Variants in KAZN observed in about 807,000 individuals in gnomAD.
KAZN encodes kazrin, periplakin interacting protein.
Under a neutral mutation model 87.4 loss-of-function variants are expected in KAZN, and 40 were observed. That is an observed-to-expected ratio of 0.46 (90% CI 0.36 to 0.60). The LOEUF (loss-of-function observed/expected upper bound fraction) is 0.60, where lower values mean the gene tolerates loss of function less well. Among genes scored for constraint, KAZN ranks in the 20% least tolerant of loss-of-function variants. The pLI is 0.00. For missense variants in KAZN, 898 were observed against 1,073.9 expected (o/e 0.84, Z 2.29); for synonymous variants, 466 against 458.3 (o/e 1.02, Z -0.22).
chr1:15,033,490 A>T (rs796551847), intron 2 of KAZN, among the ~76,000 whole-genome samples: 11 of 152,338 alleles, frequency 7.2e-5, no homozygotes, highest in African/African-American at 2.4e-4. Flanking sequence ...TGGAGGAGCT[A>T]TCAGACTTTT....
chr1:14,928,612 G>A (rs1265852828), intron 1 of KAZN, among the ~76,000 whole-genome samples: 1 of 152,162 alleles, frequency 6.6e-6, no homozygotes, highest in East Asian at 1.9e-4. Flanking sequence ...TTCAGTGGGA[G>A]GTCTGCTCTC....
At chr1:14,266,741 C>T (rs1651506083) in intron 2 of KAZN, among the ~76,000 whole-genome samples, 1 of 152,182 alleles carries the variant, frequency 6.6e-6, no homozygotes, top group African/African-American at 2.4e-5. Flanking sequence ...GGGACGTAGA[C>T]ATGCCAATTC....
intron 1 of KAZN, among the ~76,000 whole-genome samples, chr1:14,764,775 C>T (rs1448217664): frequency 6.6e-6 from 1 of 152,168 alleles, no homozygotes; most frequent in Admixed American, 6.5e-5. Context: ...GGTATAGAAA[C>T]AGGCAGAGGC....
At chr1:15,042,315 G>A (rs1673004848) in intron 3 of KAZN, among the ~76,000 whole-genome samples, 1 of 152,214 alleles carries the variant, frequency 6.6e-6, no homozygotes. Context: ...AGCTCCACGA[G>A]TGCAGGGATT....
intron 1 of KAZN, among the ~76,000 whole-genome samples, chr1:14,879,446 G>A (rs956185477): frequency 5.3e-5 from 8 of 152,132 alleles, no homozygotes; most frequent in Non-Finnish European, 8.8e-5. Context: ...TCAGTGCTAC[G>A]TACAGGAGTA....
At chr1:14,637,243 T>A (rs1034018214) in intron 1 of KAZN, among the ~76,000 whole-genome samples, 1 of 152,204 alleles carries the variant, frequency 6.6e-6, no homozygotes, top group African/African-American at 2.4e-5. Flanking sequence ...AGAGGCACAC[T>A]GTTGACATCA....
intron 2 of KAZN, among the ~76,000 whole-genome samples, chr1:14,359,175 A>G (rs1426676170): frequency 6.6e-6 from 1 of 152,196 alleles, no homozygotes; most frequent in African/African-American, 2.4e-5. Context: ...ACCAATATCT[A>G]ACGTCCTTCT....
intron 1 of KAZN, among the ~76,000 whole-genome samples, chr1:14,885,585 C>A (rs574041461): frequency 6.6e-6 from 1 of 152,040 alleles, no homozygotes; most frequent in African/African-American, 2.4e-5. Context: ...TAGGTTCAAG[C>A]GATCCTCCCA....
At chr1:14,785,576 CT>C (rs892338103) in intron 1 of KAZN, among the ~76,000 whole-genome samples, 1 of 152,104 alleles carries the variant, frequency 6.6e-6, no homozygotes, top group Admixed American at 6.5e-5. Flanking sequence ...TCACCAACAC[CT>C]TCTCATCTTT....
intron 1 of KAZN, among the ~76,000 whole-genome samples, chr1:14,600,216 C>T (rs186652050): frequency 6.6e-5 from 10 of 152,242 alleles, no homozygotes; most frequent in Admixed American, 2.0e-4. Context: ...AACAAATCTC[C>T]AGTCCATGAG....
chr1:13,935,355 G>T (rs1280690711), intron 1 of KAZN, among the ~76,000 whole-genome samples: 2 of 152,092 alleles, frequency 1.3e-5, no homozygotes, highest in East Asian at 3.8e-4. Flanking sequence ...CTCATTTTAT[G>T]ATGCAGAAAG....
intron 2 of KAZN, among the ~76,000 whole-genome samples, chr1:14,386,184 T>C (rs1358502341): frequency 2.7e-5 from 4 of 146,274 alleles, no homozygotes; most frequent in South Asian, 2.3e-4. Flanking sequence ...TCCTCCATCC[T>C]TTTATTTTGA....
chr1:14,647,522 G>T (rs1413714485), intron 1 of KAZN, among the ~76,000 whole-genome samples: 1 of 152,164 alleles, frequency 6.6e-6, no homozygotes, highest in Non-Finnish European at 1.5e-5. Flanking sequence ...AAGATCAGGG[G>T]TTACTTTAGG....
chr1:14,096,618 C>G (rs1475085246), intron 1 of KAZN, among the ~76,000 whole-genome samples: 1 of 152,204 alleles, frequency 6.6e-6, no homozygotes, highest in Non-Finnish European at 1.5e-5. Context: ...GTGCCAGGCA[C>G]TGTTGGAATT....
chr1:14,267,510 C>T (rs1651582956), intron 2 of KAZN, among the ~76,000 whole-genome samples: 1 of 152,080 alleles, frequency 6.6e-6, no homozygotes, highest in Admixed American at 6.6e-5. Flanking sequence ...GGAGGATGTT[C>T]CTTGGTTATA....
intron 2 of KAZN, among the ~76,000 whole-genome samples, chr1:14,494,466 A>G (rs1225281412): frequency 6.6e-6 from 1 of 152,110 alleles, no homozygotes; most frequent in Non-Finnish European, 1.5e-5. Flanking sequence ...TTCTTGTGTG[A>G]TGACAGTTGG....
intron 1 of KAZN, among the ~76,000 whole-genome samples, chr1:14,877,707 A>G (rs901217408): frequency 6.6e-6 from 1 of 152,182 alleles, no homozygotes; most frequent in African/African-American, 2.4e-5. Flanking sequence ...GTGTGTAATA[A>G]TAGTGCCTAC....
At chr1:14,451,400 G>A (rs1193524299) in intron 2 of KAZN, among the ~76,000 whole-genome samples, 1 of 152,078 alleles carries the variant, frequency 6.6e-6, no homozygotes, top group African/African-American at 2.4e-5. Flanking sequence ...CCCAGCTCAG[G>A]GCTTACTTTC....
At chr1:14,095,272 A>G (rs1453157571) in intron 1 of KAZN, among the ~76,000 whole-genome samples, 1 of 152,200 alleles carries the variant, frequency 6.6e-6, no homozygotes, top group Non-Finnish European at 1.5e-5. Context: ...ATCTAGGTAT[A>G]TGCCGTGGAG....
Sources: gnomAD v4.1 joint callset for allele counts (sites outside exome capture counted in the v4.1 genomes callset) on GRCh38, gnomAD v4.1.1 for gene constraint, MANE v1.5 for transcripts, NCBI Gene and HGNC (gene_info 2026-07-23, HGNC 2026-07-21) for gene names.